The following CDKAL1 variants were observed in gnomAD, a reference collection of about 807,000 sequenced individuals.
CDKAL1 encodes threonylcarbamoyladenosine tRNA methylthiotransferase.
In CDKAL1, 32 loss-of-function variants were observed where a neutral mutation model predicts 68.2. That is an observed-to-expected ratio of 0.47 (90% CI 0.35 to 0.63). The LOEUF (loss-of-function observed/expected upper bound fraction) is 0.63, where lower values mean the gene tolerates loss of function less well. Ranked by LOEUF, CDKAL1 falls within the 30% of genes least tolerant of loss-of-function variation. The pLI is 0.00. For missense variants in CDKAL1, 606 were observed against 696.7 expected, an observed-to-expected ratio of 0.87 and a Z score of 1.47; for synonymous variants, 234 against 244.3, an observed-to-expected ratio of 0.96 and a Z score of 0.39.
intron 9 of CDKAL1, among the ~76,000 whole-genome samples, chr6:20,862,559 A>G (rs974753416): frequency 1.3e-5 from 2 of 152,244 alleles, no homozygotes; most frequent in Non-Finnish European, 2.9e-5. Flanking sequence ...GCAAGGAGAA[A>G]GGAGGAACAG....
intron 11 of CDKAL1, among the ~76,000 whole-genome samples, chr6:21,013,764 C>T (rs200063394): frequency 2.0e-5 from 3 of 152,256 alleles, no homozygotes; most frequent in South Asian, 2.1e-4. Flanking sequence ...ATGTGACAAA[C>T]GAGTATCACA....
At chr6:20,561,905 T>C (rs1764281454) in intron 4 of CDKAL1, among the ~76,000 whole-genome samples, 1 of 152,194 alleles carries the variant, frequency 6.6e-6, no homozygotes, top group Admixed American at 6.5e-5. Context: ...TCAAGTCCAG[T>C]CTGCATAGTC....
At position 20,997,492 on chromosome 6, in the gene CDKAL1, T is replaced by G. The variant is rs562300112; in HGVS notation, c.910-2735T>G. Among the ~76,000 whole-genome samples the G allele has an allele frequency of 2.5e-5, 3 of 120,908 alleles. No individual in the cohort carries two copies. The South Asian group carries it at 7.5e-4, about 30-fold the overall frequency. The allele number at this position is 120,908 out of a possible 152,430, so 79.3% of individuals were successfully genotyped here. On this transcript the variant is annotated intron_variant, in intron 10 of 15. Transcript: ENST00000274695. ...AGTTGCAAGGCCTGTAGTATGAAGC[T>G]AAAGATAATTACTAGTGGGAAGGTT... is the stretch of plus-strand genomic sequence containing the variant.
chr6:21,002,656 T>TA (rs1767488865), intron 11 of CDKAL1, among the ~76,000 whole-genome samples: 1 of 146,472 alleles, frequency 6.8e-6, no homozygotes, highest in Non-Finnish European at 1.5e-5. Context: ...GTAACCTATT[T>TA]TAAAAAAAAA....
At chr6:20,654,716 C>G (rs1042657329) in intron 5 of CDKAL1, among the ~76,000 whole-genome samples, 4 of 151,962 alleles carry the variant, frequency 2.6e-5, no homozygotes, top group African/African-American at 7.2e-5. Context: ...AAGTTCTATT[C>G]TTTCTTCTTT....
At chr6:20,898,903 C>A (rs1761826865) in intron 9 of CDKAL1, among the ~76,000 whole-genome samples, 1 of 152,000 alleles carries the variant, frequency 6.6e-6, no homozygotes, top group African/African-American at 2.4e-5. Flanking sequence ...AATATTAGTT[C>A]TAAGAGGTAT....
At chr6:21,207,726 A>T (rs907058826) in intron 15 of CDKAL1, among the ~76,000 whole-genome samples, 9 of 152,194 alleles carry the variant, frequency 5.9e-5, no homozygotes, top group African/African-American at 4.8e-5. Flanking sequence ...TAGGATATAC[A>T]TGGAAATGGC....
chr6:21,230,024 A>T (rs1490998786), intron 15 of CDKAL1, among the ~76,000 whole-genome samples: 1 of 152,232 alleles, frequency 6.6e-6, no homozygotes, highest in East Asian at 1.9e-4. Flanking sequence ...TGTATGGCAC[A>T]CAAGGTACTT....
intron 8 of CDKAL1, among the ~76,000 whole-genome samples, chr6:20,841,817 C>G (rs1778185902): frequency 6.6e-6 from 1 of 152,324 alleles, no homozygotes; most frequent in South Asian, 2.1e-4. Context: ...TACTTAAGCT[C>G]TCTCTGCTTT....
At chr6:21,049,252 A>G (rs955022488) in intron 11 of CDKAL1, among the ~76,000 whole-genome samples, 1 of 152,206 alleles carries the variant, frequency 6.6e-6, no homozygotes, top group Non-Finnish European at 1.5e-5. Context: ...TTATCATCTT[A>G]TCTCTAAATG....
intron 4 of CDKAL1, among the ~76,000 whole-genome samples, chr6:20,594,486 G>C (rs889758523): frequency 1.3e-5 from 2 of 152,228 alleles, no homozygotes; most frequent in African/African-American, 4.8e-5. Flanking sequence ...GTTCATCAGA[G>C]ACTAGGATTG....
chr6:20,847,577 T>C (rs1178070825), intron 9 of CDKAL1, among the ~76,000 whole-genome samples: 1 of 152,204 alleles, frequency 6.6e-6, no homozygotes, highest in Non-Finnish European at 1.5e-5. Context: ...TTCATTTTAC[T>C]TGAAAACGTT....
chr6:20,771,749 GT>G (rs1314955424), intron 7 of CDKAL1, among the ~76,000 whole-genome samples: 1 of 152,112 alleles, frequency 6.6e-6, no homozygotes, highest in Non-Finnish European at 1.5e-5. Context: ...TTGTTTAAAA[GT>G]GTGTGTTATC....
At position 20,548,637 on chromosome 6, in the gene CDKAL1, G is replaced by C; in HGVS notation, c.218G>C (p.Cys73Ser). The C allele has an allele frequency of 1.2e-6, 2 of 1,600,160 alleles. No individual in the cohort carries two copies. Among genetic ancestry groups the C allele is most frequent in the Non-Finnish European group, 1.7e-6 (2 of 1,169,186 alleles). Reference sequence around the variant, plus strand: ...AAAATTTGGATACGAACATGGGGTTGTTCTCATAATAATTCAGATGGAGAA... The same window carrying C: ...AAAATTTGGATACGAACATGGGGTTCTTCTCATAATAATTCAGATGGAGAA... Reference protein sequence around the residue: ...IQKIWIRTWGCSHNNSDGEYM... With the variant: ...IQKIWIRTWGSSHNNSDGEYM... Residue 73 changes from cysteine (C) to serine (S), a missense_variant, in exon 4 of 16, where the codon TGT becomes TCT. Physicochemically the swap from Cys to Ser is moderately radical, Grantham distance 112 (BLOSUM62 -1). Coordinates refer to ENST00000274695, the MANE Select transcript of CDKAL1 (RefSeq NM_017774.3).
intron 3 of CDKAL1, among the ~76,000 whole-genome samples, 156 bp downstream of exon 3, chr6:20,546,679 T>C (rs2127653442): frequency 6.6e-6 from 1 of 152,200 alleles, no homozygotes; most frequent in East Asian, 1.9e-4. Context: ...TCTGCCTCCC[T>C]AGTAGCTGTG....
chr6:21,025,538 T>C (rs758793537), intron 11 of CDKAL1, among the ~76,000 whole-genome samples: 7 of 152,150 alleles, frequency 4.6e-5, no homozygotes, highest in Admixed American at 1.3e-4. Context: ...TTTGGAGGCA[T>C]GTAGATTTGG....
intron 12 of CDKAL1, among the ~76,000 whole-genome samples, chr6:21,080,266 A>G (rs1562014218): frequency 6.6e-6 from 1 of 152,158 alleles, no homozygotes; most frequent in Non-Finnish European, 1.5e-5. Context: ...GTTGTCTACC[A>G]TCTTGAATCT....
intron 4 of CDKAL1, among the ~76,000 whole-genome samples, chr6:20,622,482 A>G (rs1767238137): frequency 6.6e-6 from 1 of 152,114 alleles, no homozygotes; most frequent in Admixed American, 6.6e-5. Flanking sequence ...AAGGGGATGG[A>G]GAGTAGTGTT....
intron 6 of CDKAL1, among the ~76,000 whole-genome samples, chr6:20,752,032 CT>C (rs1773943730): frequency 6.6e-6 from 1 of 151,794 alleles, no homozygotes. Flanking sequence ...GCCTCCCACC[CT>C]TCATTTTTTT....
Sources: gnomAD v4.1 joint callset for allele counts (sites outside exome capture counted in the v4.1 genomes callset) on GRCh38, gnomAD v4.1.1 for gene constraint, MANE v1.5 for transcripts, NCBI Gene and HGNC (gene_info 2026-07-23, HGNC 2026-07-21) for gene names.